Variants in CATSPER3 observed in about 807,000 individuals in gnomAD.
The protein encoded by CATSPER3 is cation channel sperm-associated protein 3.
CATSPER3 carries 23 observed loss-of-function variants against 36.6 expected under a neutral mutation model. That is an observed-to-expected ratio of 0.63 (90% CI 0.45 to 0.89). The LOEUF (loss-of-function observed/expected upper bound fraction) is 0.89, where lower values mean the gene tolerates loss of function less well. Among genes scored for constraint, CATSPER3 ranks in the 40% least tolerant of loss-of-function variants. CATSPER3 has a pLI of 0.00. For missense variants in CATSPER3, 474 were observed against 503.9 expected, an observed-to-expected ratio of 0.94 and a Z score of 0.57; for synonymous variants, 172 against 184.1, an observed-to-expected ratio of 0.93 and a Z score of 0.53.
At chr5:134,970,628 A>G (rs1020641249) in intron 2 of CATSPER3, among the ~76,000 whole-genome samples, 2 of 148,814 alleles carry the variant, frequency 1.3e-5, no homozygotes, top group East Asian at 2.0e-4. Flanking sequence ...CTGCAGTGCA[A>G]TGGTGCTATC....
Position 134,996,479 on chromosome 5 carries a change from C to T in CATSPER3, c.459C>T (p.Ile153=). The change falls in exon 3 of 8, where the codon ATC becomes ATT. Residue 153 remains isoleucine, a synonymous_variant. Coordinates refer to ENST00000282611, the MANE Select transcript of CATSPER3 (RefSeq NM_178019.3). ...CTGATGGCATGCAGTCCCTGCGCAT[C>T]CTCAAGCTTATCGGCTATAGCCAGG... is the stretch of plus-strand genomic sequence containing the variant. The part of the protein sequence containing the change: ...YIADGMQSLR[I]LKLIGYSQGI... The T allele has an allele frequency of 6.2e-7, 1 of 1,614,220 alleles. No homozygotes were observed. The highest frequency in any genetic ancestry group is 8.5e-7 in the Non-Finnish European group (1 of 1,180,026).
At chr5:134,988,300 G>A (rs1751835198) in intron 2 of CATSPER3, among the ~76,000 whole-genome samples, 1 of 152,200 alleles carries the variant, frequency 6.6e-6, no homozygotes, top group Non-Finnish European at 1.5e-5. Flanking sequence ...GGTTGCTGAA[G>A]GCTGGAGTGT....
At chr5:134,969,437 T>C (rs1404336147) in intron 1 of CATSPER3, 3 of 170,680 alleles carry the variant, frequency 1.8e-5, no homozygotes, top group Non-Finnish European at 3.8e-5. Flanking sequence ...AGAAGTTTGT[T>C]TGTCTTTGGT....
At chr5:134,972,957 T>C (rs1461132695) in intron 2 of CATSPER3, among the ~76,000 whole-genome samples, 2 of 151,950 alleles carry the variant, frequency 1.3e-5, no homozygotes, top group Admixed American at 6.5e-5. Flanking sequence ...TATGGTAATA[T>C]GTTATGCCAA....
At position 134,996,302 on chromosome 5, in the gene CATSPER3, C is replaced by T. The variant is rs947137134; in HGVS notation, c.282C>T (p.Cys94=). 1 of 1,614,118 alleles carries T rather than the reference C, an allele frequency of 6.2e-7. No individual in the cohort carries two copies. The highest frequency in any genetic ancestry group is 1.3e-5 in the African/African-American group (1 of 74,946). ...EFSEIFFVSI[C]TSELSMKVYV... ...CGGAGATCTTCTTTGTGTCCATCTG[C>T]ACATCTGAGTTGTCCATGAAGGTCT... is the stretch of plus-strand genomic sequence containing the variant. Residue 94 remains cysteine (C), a synonymous_variant, in exon 3 of 8, where the codon TGC becomes TGT. Transcript: ENST00000282611.
intron 2 of CATSPER3, among the ~76,000 whole-genome samples, chr5:134,991,492 A>G (rs1300945361): frequency 1.3e-5 from 2 of 152,224 alleles, no homozygotes; most frequent in East Asian, 3.8e-4. Context: ...AAATTCAAAT[A>G]TCTATGGTCA....
intron 2 of CATSPER3, among the ~76,000 whole-genome samples, chr5:134,979,334 G>A (rs546548928): frequency 4.6e-5 from 7 of 152,132 alleles, no homozygotes; most frequent in Admixed American, 6.5e-5. Flanking sequence ...ATGGGGTCTC[G>A]CTATGCTGCC....
chr5:134,995,104 A>G (rs1202032516), intron 2 of CATSPER3, among the ~76,000 whole-genome samples: 1 of 151,886 alleles, frequency 6.6e-6, no homozygotes, highest in Non-Finnish European at 1.5e-5. Flanking sequence ...TCAAATCAGG[A>G]TAATTGCCTT....
At chr5:134,981,002 A>G (rs1751743505) in intron 2 of CATSPER3, among the ~76,000 whole-genome samples, 1 of 152,096 alleles carries the variant, frequency 6.6e-6, no homozygotes, top group Non-Finnish European at 1.5e-5. Context: ...TTCAGGCATG[A>G]GTTACAATGC....
chr5:134,999,942 T>C (rs952694939), intron 3 of CATSPER3, among the ~76,000 whole-genome samples: 3 of 152,164 alleles, frequency 2.0e-5, no homozygotes, highest in Non-Finnish European at 4.4e-5. Flanking sequence ...CTTCCAACAC[T>C]ATGTTGAATA....
intron 2 of CATSPER3, among the ~76,000 whole-genome samples, chr5:134,984,048 A>G (rs759011268): frequency 6.6e-6 from 1 of 152,256 alleles, no homozygotes; most frequent in Non-Finnish European, 1.5e-5. Context: ...AGGACACCCT[A>G]TTCAATAAAT....
chr5:134,972,834 C>T (rs1751622948), intron 2 of CATSPER3, among the ~76,000 whole-genome samples: 1 of 152,026 alleles, frequency 6.6e-6, no homozygotes, highest in South Asian at 2.1e-4. Context: ...CAATAAACAC[C>T]AAAACATATT....
intron 2 of CATSPER3, 39 bp from the exon 3 acceptor site, chr5:134,996,234 A>T (rs1428934562): frequency 6.2e-7 from 1 of 1,613,908 alleles, no homozygotes. Flanking sequence ...AGGGCTGTGC[A>T]GCTCGATCTG....
At chr5:134,999,195 C>G (rs181202321) in intron 3 of CATSPER3, among the ~76,000 whole-genome samples, 18,844 of 151,036 alleles carry the variant, frequency 0.12, 3,388 homozygotes, top group African/African-American at 0.41. Flanking sequence ...GCTTGTTTTT[C>G]TCAGGTTTGT....
At position 135,009,001 on chromosome 5, in the gene CATSPER3, G is replaced by T. The variant is rs909459900; in HGVS notation, c.816+20G>T. ...ACAGAGGTGAGGCCACACCTGTGAG[G>T]ATCGGAGGTCAGGGCAGGTGTGGCA... is the stretch of plus-strand genomic sequence containing the variant. On this transcript the variant is annotated intron_variant, in intron 5 of 7. Transcript: ENST00000282611. 6.2e-7 allele frequency: 1 copy of T among 1,613,984 alleles called. No homozygotes were observed. The highest frequency in any genetic ancestry group is 1.7e-5 in the Admixed American group (1 of 60,032).
intron 7 of CATSPER3, among the ~76,000 whole-genome samples, chr5:135,011,032 G>A (rs891276130): frequency 1.1e-4 from 17 of 152,228 alleles, no homozygotes; most frequent in African/African-American, 3.9e-4. Context: ...CTGGGATTAT[G>A]AGCAGCCATT....
intron 2 of CATSPER3, among the ~76,000 whole-genome samples, chr5:134,995,342 C>T (rs1475344349): frequency 6.6e-6 from 1 of 152,042 alleles, no homozygotes; most frequent in Non-Finnish European, 1.5e-5. Flanking sequence ...ATGAGATCCA[C>T]TTTTTTAGCT....
In CATSPER3 at chr5:135,008,833, C is replaced by T. The variant is rs1752124648; in HGVS notation, c.676-8C>T. On this transcript the variant is annotated splice_polypyrimidine_tract_variant and splice_region_variant and intron_variant, in intron 4 of 7. Transcript: ENST00000282611. ...GGGCCCTCAGCATACTCTTCCCTGC[C>T]TGAGCAGGTTGATGGCTGGACAGAC... The T allele has an allele frequency of 1.9e-6, 3 of 1,613,962 alleles. No individual in the cohort carries two copies. Among genetic ancestry groups the T allele is most frequent in the Non-Finnish European group, 2.5e-6 (3 of 1,179,868 alleles).
Position 135,011,478 on chromosome 5 carries a change from G to A in CATSPER3, c.1095-43G>A, listed in dbSNP as rs368653962. 12 of 1,469,170 alleles carry A rather than the reference G, an allele frequency of 8.2e-6. No individual in the cohort carries two copies. The African/African-American group carries it at 1.4e-4, about 17-fold the overall frequency. 91.0% of individuals were successfully genotyped at this position (1,469,170 alleles called of 1,614,324 possible). A position where few individuals can be genotyped will look rare whatever the true frequency, so the allele number is the denominator to read the frequency against. On this transcript the variant is annotated intron_variant, in intron 7 of 7. Coordinates refer to ENST00000282611, the MANE Select transcript of CATSPER3 (RefSeq NM_178019.3). ...GTGGGGCCAGGGGGTCCTGGAGCCTGCCTCTGACCTCAGATCTTATCTCCT... is the reference window on the plus strand; with the variant it reads ...GTGGGGCCAGGGGGTCCTGGAGCCTACCTCTGACCTCAGATCTTATCTCCT...
Sources: gnomAD v4.1 joint callset for allele counts (sites outside exome capture counted in the v4.1 genomes callset) on GRCh38, gnomAD v4.1.1 for gene constraint, MANE v1.5 for transcripts, NCBI Gene and HGNC (gene_info 2026-07-23, HGNC 2026-07-21) for gene names.